The following SUGT1 variants were observed in gnomAD, a reference collection of about 807,000 sequenced individuals.
SUGT1 encodes protein SGT1 homolog.
Under a neutral mutation model 56.1 loss-of-function variants are expected in SUGT1, and 15 were observed. That is an observed-to-expected ratio of 0.27 (90% confidence interval 0.18 to 0.41). The LOEUF (loss-of-function observed/expected upper bound fraction) is 0.41, where lower values mean the gene tolerates loss of function less well. Among genes scored for constraint, SUGT1 ranks in the 10% least tolerant of loss-of-function variants. The pLI, the probability that SUGT1 is intolerant of heterozygous loss-of-function variation, is 1.00. For synonymous variants in SUGT1, 123 were observed against 128.6 expected (o/e 0.96, Z 0.30); for missense variants, 347 against 382.2 (o/e 0.91, Z 0.77).
chr13:52,666,190 A>G (rs1051380553), intron 9 of SUGT1, among the ~76,000 whole-genome samples: 15 of 152,164 alleles, frequency 9.9e-5, no homozygotes, highest in Admixed American at 9.2e-4. Flanking sequence ...GGTTCAAACA[A>G]TTCTCCTGCC....
Position 52,652,887 on chromosome 13 carries a change from G to A in SUGT1, c.-34G>A, listed in dbSNP as rs1427740473. Reference sequence around the variant, plus strand: ...GGTGGAGGTGGTAACCGTGATAGTAGCAGCTCCGGCGGCAGCAACAGCGAC... The same window carrying A: ...GGTGGAGGTGGTAACCGTGATAGTAACAGCTCCGGCGGCAGCAACAGCGAC... On this transcript the variant is annotated 5_prime_UTR_variant, in exon 1 of 13. Coordinates refer to ENST00000310528, the MANE Select transcript of SUGT1 (RefSeq NM_006704.5). 1 of 1,608,328 alleles carries A rather than the reference G, an allele frequency of 6.2e-7. No homozygotes were observed. The highest frequency in any genetic ancestry group is 1.1e-5 in the South Asian group (1 of 90,662).
In SUGT1 at chr13:52,698,087, C is replaced by T. The variant is rs938842915; in HGVS notation, c.*10252C>T. ...AGATTGGAGAATGACCGGTTGTGAA[C>T]AGGGACTTAGGAATATGTGTAGCAT... On this transcript the variant is annotated 3_prime_UTR_variant, in exon 13 of 13. Transcript: ENST00000310528. 2.6e-5 allele frequency: 4 copies of T among 152,172 alleles called. No homozygotes were observed. Among genetic ancestry groups the T allele is most frequent in the Non-Finnish European group, 5.9e-5 (4 of 68,030 alleles). 9.4% of individuals were successfully genotyped at this position (152,172 alleles called of 1,614,324 possible). A position where few individuals can be genotyped will look rare whatever the true frequency, so the allele number is the denominator to read the frequency against.
At chr13:52,680,546 A>T (rs543720072) in intron 12 of SUGT1, among the ~76,000 whole-genome samples, 2 of 152,270 alleles carry the variant, frequency 1.3e-5, no homozygotes, top group Admixed American at 6.5e-5. Context: ...GGTGCACGTT[A>T]TTCATTGGTT....
rs939792951 is a variant in SUGT1, at chr13:52,696,522, A to C, written c.*8687A>C. On this transcript the variant is annotated 3_prime_UTR_variant, in exon 13 of 13. Coordinates refer to ENST00000310528, the MANE Select transcript of SUGT1 (RefSeq NM_006704.5). ...GTGCCTTTCACATAGTATGTACTCA[A>C]ATATTGGAAGTTACTCATCCCAAAC... 3 of 152,212 alleles carry C rather than the reference A, an allele frequency of 2.0e-5. No homozygotes were observed. The highest frequency in any genetic ancestry group is 7.2e-5 in the African/African-American group (3 of 41,448). The allele number at this position is 152,212 out of a possible 1,614,324, so 9.4% of individuals were successfully genotyped here. A position where few individuals can be genotyped will look rare whatever the true frequency, so the allele number is the denominator to read the frequency against.
At chr13:52,672,082 G>C (rs1240081485) in intron 10 of SUGT1, among the ~76,000 whole-genome samples, 1 of 152,088 alleles carries the variant, frequency 6.6e-6, no homozygotes, top group African/African-American at 2.4e-5. Flanking sequence ...CTTTCTTACT[G>C]TTTTATTTTA....
At chr13:52,653,156 T>C in intron 2 of SUGT1, 53 bp downstream of exon 2, 1 of 1,608,626 alleles carries the variant, frequency 6.2e-7, no homozygotes, top group Non-Finnish European at 8.5e-7. Flanking sequence ...GCTGGGCCAC[T>C]TCGGGTCCCC....
At chr13:52,681,276 G>C (rs1018835906) in intron 12 of SUGT1, among the ~76,000 whole-genome samples, 3 of 151,158 alleles carry the variant, frequency 2.0e-5, no homozygotes, top group Admixed American at 2.0e-4. Context: ...AAATTAGCTA[G>C]GCCTGGTGGC....
At chr13:52,680,378 T>A (rs1470638096) in intron 12 of SUGT1, among the ~76,000 whole-genome samples, 1 of 152,224 alleles carries the variant, frequency 6.6e-6, no homozygotes, top group African/African-American at 2.4e-5. Flanking sequence ...AGGTATTTTT[T>A]ATCAGTGAGT....
chr13:52,685,165 G>A (rs1312069498), intron 12 of SUGT1, among the ~76,000 whole-genome samples: 1 of 150,986 alleles, frequency 6.6e-6, no homozygotes, highest in Non-Finnish European at 1.5e-5. Flanking sequence ...CTCCTGAGCT[G>A]AAGTGATCCT....
At chr13:52,674,056 T>TTG (rs1421661687) in intron 10 of SUGT1, among the ~76,000 whole-genome samples, 2 of 141,060 alleles carry the variant, frequency 1.4e-5, no homozygotes, top group African/African-American at 2.7e-5. Flanking sequence ...TAGTATACTT[T>TTG]TTTTTTTTTT....
Position 52,658,473 on chromosome 13 carries a change from G to A in SUGT1, c.257+5G>A. The A allele has an allele frequency of 6.2e-7, 1 of 1,608,462 alleles. No homozygotes were observed. The highest frequency in any genetic ancestry group is 8.5e-7 in the Non-Finnish European group (1 of 1,178,674). On this transcript the variant is annotated splice_donor_5th_base_variant and intron_variant, in intron 4 of 12. Coordinates refer to ENST00000310528, the MANE Select transcript of SUGT1 (RefSeq NM_006704.5). The stretch of plus-strand genomic sequence containing the variant: ...CACTGCTATGCTGAGAAAAGGGTAT[G>A]CAGTAGCTACTCTTCTTGTTGAGCT...
At chr13:52,653,165 C>T (rs1961992445) in intron 2 of SUGT1, 62 bp downstream of exon 2, 4 of 1,596,442 alleles carry the variant, frequency 2.5e-6, no homozygotes, top group African/African-American at 1.3e-5. Flanking sequence ...CTTCGGGTCC[C>T]CGCTGACCCG....
rs761554539 is a variant in SUGT1, at chr13:52,653,030, G to A, written c.39-16G>A. On this transcript the variant is annotated splice_polypyrimidine_tract_variant and intron_variant, in intron 1 of 12. Transcript: ENST00000310528. Reference sequence around the variant, plus strand: ...TTGGCTAGTGAGCCCTGCTGAAGTCGTTGTTTTCCTGACAGGTTTTTCCAG... The same window carrying A: ...TTGGCTAGTGAGCCCTGCTGAAGTCATTGTTTTCCTGACAGGTTTTTCCAG... 6.2e-7 allele frequency: 1 copy of A among 1,614,076 alleles called. No homozygotes were observed. The highest frequency in any genetic ancestry group is 1.7e-5 in the Admixed American group (1 of 60,022).
chr13:52,680,332 A>G (rs1308856625), intron 12 of SUGT1, among the ~76,000 whole-genome samples, 177 bp downstream of exon 12: 1 of 152,176 alleles, frequency 6.6e-6, no homozygotes, highest in Non-Finnish European at 1.5e-5. Flanking sequence ...TTGAAAACTT[A>G]TGGAAGAGAT....
intron 2 of SUGT1, among the ~76,000 whole-genome samples, chr13:52,656,868 T>TA (rs1316435993): frequency 6.6e-6 from 1 of 152,246 alleles, no homozygotes; most frequent in Admixed American, 6.5e-5. Context: ...TGTAATCTCT[T>TA]ACATCATTAT....
Position 52,664,065 on chromosome 13 carries a change from T to C in SUGT1, c.422+8T>C. On this transcript the variant is annotated splice_region_variant and intron_variant, in intron 8 of 12. Coordinates refer to ENST00000310528, the MANE Select transcript of SUGT1 (RefSeq NM_006704.5). Reference sequence around the variant, plus strand: ...TCATCAGTCAAAAATCAAGTGAGTGTTTCTTTTTCATAAAACAATGCATGA... The same window carrying C: ...TCATCAGTCAAAAATCAAGTGAGTGCTTCTTTTTCATAAAACAATGCATGA... 1.2e-6 allele frequency: 2 copies of C among 1,612,820 alleles called. No individual in the cohort carries two copies. Among genetic ancestry groups the C allele is most frequent in the Non-Finnish European group, 1.7e-6 (2 of 1,179,282 alleles).
At chr13:52,682,056 T>A (rs560564670) in intron 12 of SUGT1, among the ~76,000 whole-genome samples, 3 of 152,158 alleles carry the variant, frequency 2.0e-5, no homozygotes, top group Non-Finnish European at 4.4e-5. Context: ...AACCAAAATA[T>A]TTCATTTTGA....
In SUGT1 at chr13:52,687,879, GC is replaced by G; in HGVS notation, c.*47del. 7.6e-7 allele frequency: 1 copy of G among 1,314,008 alleles called. No individual in the cohort carries two copies. The highest frequency in any genetic ancestry group is 1.5e-5 in the South Asian group (1 of 66,988). The allele number at this position is 1,314,008 out of a possible 1,614,324, so 81.4% of individuals were successfully genotyped here. A position where few individuals can be genotyped will look rare whatever the true frequency, so the allele number is the denominator to read the frequency against. The stretch of plus-strand genomic sequence containing the variant: ...ATCGTATTGTGTATATTCACCTAAT[GC>G]CCATTGTGTATTGATATTGCATTCT... On this transcript the variant is annotated 3_prime_UTR_variant, in exon 13 of 13. Transcript: ENST00000310528.
At chr13:52,669,876 A>G (rs1416367933) in intron 10 of SUGT1, among the ~76,000 whole-genome samples, 1 of 152,222 alleles carries the variant, frequency 6.6e-6, no homozygotes, top group Non-Finnish European at 1.5e-5. Flanking sequence ...ATATTAAAAT[A>G]CTGAAAATAA....
Sources: gnomAD v4.1 joint callset for allele counts (sites outside exome capture counted in the v4.1 genomes callset) on GRCh38, gnomAD v4.1.1 for gene constraint, MANE v1.5 for transcripts, NCBI Gene and HGNC (gene_info 2026-07-23, HGNC 2026-07-21) for gene names.